Variants in AMOTL1 observed in about 807,000 individuals in gnomAD.
The protein encoded by AMOTL1 is angiomotin like 1, also known as angiomotin-like protein 1.
AMOTL1 carries 45 observed loss-of-function variants against 102.9 expected under a neutral mutation model. That is an observed-to-expected ratio of 0.44 (90% CI 0.34 to 0.56). The LOEUF (loss-of-function observed/expected upper bound fraction) is 0.56, where lower values mean the gene tolerates loss of function less well. Ranked by LOEUF, AMOTL1 falls within the 20% of genes least tolerant of loss-of-function variation. The pLI, the probability that AMOTL1 is intolerant of heterozygous loss-of-function variation, is 0.01. For synonymous variants in AMOTL1, 481 were observed against 484.7 expected, an observed-to-expected ratio of 0.99 and a Z score of 0.10; for missense variants, 1,114 against 1,225.6, an observed-to-expected ratio of 0.91 and a Z score of 1.36.
At chr11:94,776,093 C>G (rs939254971) in intron 1 of AMOTL1, among the ~76,000 whole-genome samples, 14 of 152,228 alleles carry the variant, frequency 9.2e-5, no homozygotes, top group African/African-American at 2.9e-4. Flanking sequence ...CAAAGGTCAT[C>G]CTGAACTTCT....
chr11:94,732,081 TACCTCACC>T (rs1950363286), intron 2 of AMOTL1, among the ~76,000 whole-genome samples: 1 of 152,184 alleles, frequency 6.6e-6, no homozygotes, highest in East Asian at 1.9e-4. Context: ...TCCATTTCCC[TACCTCACC>T]TCTCCCCACC....
At position 94,870,859 on chromosome 11, in the gene AMOTL1, G is replaced by A. The variant is rs968420016; in HGVS notation, c.*64G>A. ...AACAAGGAAAGCGGCAGAGAAAGAA[G>A]AAAGACCTAGAAGGTTGTAGATGGG... On this transcript the variant is annotated 3_prime_UTR_variant, in exon 13 of 13. Coordinates refer to ENST00000433060, the MANE Select transcript of AMOTL1 (RefSeq NM_130847.3). 6 of 1,357,576 alleles carry A rather than the reference G, an allele frequency of 4.4e-6. No individual in the cohort carries two copies. The African/African-American group carries it at 7.3e-5, about 16-fold the overall frequency. 84.1% of individuals were successfully genotyped at this position (1,357,576 alleles called of 1,614,324 possible).
At chr11:94,735,199 A>G (rs1950420556) in intron 2 of AMOTL1, among the ~76,000 whole-genome samples, 2 of 152,212 alleles carry the variant, frequency 1.3e-5, no homozygotes, top group Non-Finnish European at 2.9e-5. Context: ...TCTGCAGCAG[A>G]GGCTGGGCAG....
chr11:94,846,563 T>C (rs1952416846), intron 6 of AMOTL1, among the ~76,000 whole-genome samples: 1 of 152,216 alleles, frequency 6.6e-6, no homozygotes, highest in African/African-American at 2.4e-5. Context: ...AGATGCTTCA[T>C]TAGTTAATAT....
chr11:94,783,280 A>G (rs1951137241), intron 1 of AMOTL1, among the ~76,000 whole-genome samples: 1 of 152,208 alleles, frequency 6.6e-6, no homozygotes, highest in African/African-American at 2.4e-5. Context: ...AGTTAATACA[A>G]ATTGTTCAGA....
intron 4 of AMOTL1, among the ~76,000 whole-genome samples, chr11:94,828,110 C>T (rs551546601): frequency 2.6e-5 from 4 of 152,172 alleles, no homozygotes; most frequent in Non-Finnish European, 5.9e-5. Flanking sequence ...CATGGTATCT[C>T]CAAACCCAGA....
intron 6 of AMOTL1, among the ~76,000 whole-genome samples, chr11:94,849,654 G>A (rs1001968150): frequency 1.3e-5 from 2 of 152,150 alleles, no homozygotes; most frequent in African/African-American, 4.8e-5. Context: ...CCCCTCTGCT[G>A]TCTAGCCTCA....
chr11:94,815,080 T>C (rs1591994107), intron 3 of AMOTL1, among the ~76,000 whole-genome samples: 1 of 152,306 alleles, frequency 6.6e-6, no homozygotes, highest in East Asian at 1.9e-4. Context: ...CTTAAGTAAA[T>C]TTTTAATAAA....
Position 94,799,895 on chromosome 11 carries a change from T to C in AMOTL1, c.705T>C (p.Thr235=). 6.2e-7 allele frequency: 1 copy of C among 1,602,706 alleles called. No individual in the cohort carries two copies. The change falls in exon 3 of 13, where the codon ACT becomes ACC. Residue 235 remains threonine, a synonymous_variant. Coordinates refer to ENST00000433060, the MANE Select transcript of AMOTL1 (RefSeq NM_130847.3). This position sits in a 1 kb window ranked among gnomAD's most constrained non-coding sequence, Gnocchi z 4.5. ...AGTCCCGAACTGAGGGGAGGCCCAC[T>C]GTGAACCGTGCCAACAGTGGACAGG... ...SQKSRTEGRP[T]VNRANSGQAH... is the part of the protein sequence containing the mutation.
chr11:94,722,763 T>C (rs2135446566), intron 1 of AMOTL1, among the ~76,000 whole-genome samples: 1 of 152,294 alleles, frequency 6.6e-6, no homozygotes, highest in East Asian at 1.9e-4. Context: ...GTAACAGTAC[T>C]ATGTATTTGT....
chr11:94,755,824 T>C (rs1055503582), intron 3 of AMOTL1, among the ~76,000 whole-genome samples: 2 of 152,038 alleles, frequency 1.3e-5, no homozygotes, highest in African/African-American at 4.8e-5. Flanking sequence ...GTGTGCTCTT[T>C]CAGTTTTGCT....
At chr11:94,747,921 A>G (rs1004607376) in intron 3 of AMOTL1, among the ~76,000 whole-genome samples, 2 of 152,204 alleles carry the variant, frequency 1.3e-5, no homozygotes, top group African/African-American at 4.8e-5. Flanking sequence ...AAGGGTAAGA[A>G]CTAGTCTTAC....
chr11:94,707,246 C>CTGTG (rs1173917311), intron 1 of AMOTL1, among the ~76,000 whole-genome samples: 865 of 59,898 alleles, frequency 0.014, 4 homozygotes, highest in African/African-American at 0.03. Flanking sequence ...CTCTCTCTCT[C>CTGTG]TCTCTGTGTG....
At chr11:94,822,710 T>A (rs772240052) in intron 4 of AMOTL1, among the ~76,000 whole-genome samples, 11 of 152,152 alleles carry the variant, frequency 7.2e-5, no homozygotes, top group South Asian at 2.1e-4. Flanking sequence ...TCTTACAGAT[T>A]TATGCTGAGA....
intron 6 of AMOTL1, among the ~76,000 whole-genome samples, chr11:94,848,267 G>A (rs983540152): frequency 3.9e-5 from 6 of 152,166 alleles, no homozygotes; most frequent in African/African-American, 1.2e-4. Flanking sequence ...TCACATGCCC[G>A]TGGATTGGGA....
intron 1 of AMOTL1, among the ~76,000 whole-genome samples, chr11:94,790,911 T>A (rs1470511948): frequency 6.6e-6 from 1 of 152,206 alleles, no homozygotes; most frequent in East Asian, 1.9e-4. Flanking sequence ...ACGGTTTCTG[T>A]TGCTCCTCTT....
At position 94,854,085 on chromosome 11, in the gene AMOTL1, A is replaced by G; in HGVS notation, c.1944+3A>G. 1 of 1,540,952 alleles carries G rather than the reference A, an allele frequency of 6.5e-7. No individual in the cohort carries two copies. The highest frequency in any genetic ancestry group is 8.8e-7 in the Non-Finnish European group (1 of 1,140,294). Reference sequence around the variant, plus strand: ...TGGATGCACTGAGAACCCAGCAGGTAAGGAACTGGGCATGGACTGGTGAAA... The same window carrying G: ...TGGATGCACTGAGAACCCAGCAGGTGAGGAACTGGGCATGGACTGGTGAAA... On this transcript the variant is annotated splice_donor_region_variant and intron_variant, in intron 8 of 12. Transcript: ENST00000433060.
rs7927920 is a variant in AMOTL1, at chr11:94,856,289, T to C, written c.1944+2207T>C. 2.7e-3 allele frequency among the ~76,000 whole-genome samples: 415 copies of C among 152,330 alleles called. 2 individuals are homozygous for C. The highest frequency in any genetic ancestry group is 9.5e-3 in the African/African-American group (394 of 41,558). Reference sequence around the variant, plus strand: ...TTTCCTGTAATATTTCTTTATTTTCTAATGTTCCCAGTAAGCATACATTAT... The same window carrying C: ...TTTCCTGTAATATTTCTTTATTTTCCAATGTTCCCAGTAAGCATACATTAT... On this transcript the variant is annotated intron_variant, in intron 8 of 12. Coordinates refer to ENST00000433060, the MANE Select transcript of AMOTL1 (RefSeq NM_130847.3).
At chr11:94,767,021 T>C (rs1187070816), upstream of AMOTL1, among the ~76,000 whole-genome samples, 1 of 152,148 alleles carries the variant, frequency 6.6e-6, no homozygotes, top group Admixed American at 6.5e-5. Context: ...TTCTGCTGTG[T>C]CTGAACTCCA....
Sources: allele counts gnomAD v4.1 joint callset (sites outside exome capture counted in the v4.1 genomes callset), GRCh38; gene constraint gnomAD v4.1.1; non-coding constraint Gnocchi (gnomAD v3.1); transcripts MANE v1.5; gene names NCBI Gene and HGNC (gene_info 2026-07-23, HGNC 2026-07-21).